EIF2AK3: variants seen among roughly 807,000 people sequenced by gnomAD.
EIF2AK3 encodes eukaryotic translation initiation factor 2 alpha kinase 3, also known as eukaryotic translation initiation factor 2-alpha kinase 3.
Under a neutral mutation model 113.5 loss-of-function variants are expected in EIF2AK3, and 50 were observed. The observed-to-expected ratio is 0.44, with a 90% CI of 0.35 to 0.56. EIF2AK3 has a LOEUF of 0.56. Among genes scored for constraint, EIF2AK3 ranks in the 20% least tolerant of loss-of-function variants. The probability of loss-of-function intolerance (pLI) is 0.00; values close to 1 mark genes in which losing one functional copy is unlikely to be tolerated. For missense variants in EIF2AK3, 1,185 were observed against 1,378.0 expected, an observed-to-expected ratio of 0.86 and a Z score of 2.22; for synonymous variants, 448 against 495.4, an observed-to-expected ratio of 0.90 and a Z score of 1.27.
intron 15 of EIF2AK3, among the ~76,000 whole-genome samples, chr2:88,561,240 C>T (rs933636382): frequency 1.3e-5 from 2 of 150,520 alleles, no homozygotes; most frequent in Non-Finnish European, 3.0e-5. Flanking sequence ...AGGTGTGAGC[C>T]ACCATGCCTG....
At chr2:88,598,383 T>C (rs564191903) in intron 2 of EIF2AK3, among the ~76,000 whole-genome samples, 1 of 152,252 alleles carries the variant, frequency 6.6e-6, no homozygotes, top group Admixed American at 6.5e-5. Flanking sequence ...ACAAAAGTTA[T>C]ATATTACATA....
chr2:88,609,062 A>G (rs1004799614), intron 2 of EIF2AK3, among the ~76,000 whole-genome samples: 3 of 150,966 alleles, frequency 2.0e-5, no homozygotes, highest in Non-Finnish European at 3.0e-5. Flanking sequence ...TGTTTTGTCC[A>G]ACTTTTTTTT....
chr2:88,600,043 A>G (rs1489252705), intron 2 of EIF2AK3, among the ~76,000 whole-genome samples: 1 of 152,244 alleles, frequency 6.6e-6, no homozygotes, highest in Non-Finnish European at 1.5e-5. Flanking sequence ...AGTGCAAAAC[A>G]CAAAACAACA....
In EIF2AK3 at chr2:88,613,581, G is replaced by A. The variant is rs1675502657; in HGVS notation, c.438+143C>T. ...AAGAGGGGAACTGAGGAATAGAAAAGTTAAGTAATTGCCCTAAAGGGACAC... is the reference window on the plus strand; with the variant it reads ...AAGAGGGGAACTGAGGAATAGAAAAATTAAGTAATTGCCCTAAAGGGACAC... On this transcript the variant is annotated intron_variant, in intron 2 of 16. Coordinates refer to ENST00000303236, the MANE Select transcript of EIF2AK3 (RefSeq NM_004836.7). 6 of 814,364 alleles carry A rather than the reference G, an allele frequency of 7.4e-6. No homozygotes were observed. In the East Asian group the frequency reaches 1.3e-4, roughly 18 times the overall value. The allele number at this position is 814,364 out of a possible 1,614,324, so 50.4% of individuals were successfully genotyped here.
chr2:88,570,262 C>T (rs1272959904), intron 14 of EIF2AK3, among the ~76,000 whole-genome samples: 3 of 152,126 alleles, frequency 2.0e-5, no homozygotes, highest in Non-Finnish European at 2.9e-5. Flanking sequence ...CCAAAACGTC[C>T]GAGACCCGCT....
chr2:88,604,408 A>G (rs143264192), intron 2 of EIF2AK3, among the ~76,000 whole-genome samples: 73 of 152,102 alleles, frequency 4.8e-4, no homozygotes, highest in African/African-American at 1.8e-3. Flanking sequence ...CCTCCTCTCT[A>G]TCCATCTCTT....
chr2:88,598,459 G>T (rs568463784), intron 2 of EIF2AK3, among the ~76,000 whole-genome samples: 1 of 152,270 alleles, frequency 6.6e-6, no homozygotes, highest in Non-Finnish European at 1.5e-5. Flanking sequence ...GATGCCCTGA[G>T]AGAGACTGCA....
chr2:88,584,858 C>T (rs1674679375), intron 9 of EIF2AK3, among the ~76,000 whole-genome samples: 1 of 152,102 alleles, frequency 6.6e-6, no homozygotes, highest in African/African-American at 2.4e-5. Context: ...GCAGCTCAGC[C>T]TAGTGGCTGA....
chr2:88,575,219 A>G lies in EIF2AK3; in HGVS notation c.2264T>C (p.Val755Ala), dbSNP rs1674424943. Residue 755 changes from valine (V) to alanine (A), a missense_variant, in exon 13 of 17, where the codon GTG (valine) becomes GCG (alanine). Physicochemically the swap from Val to Ala is moderately conservative, Grantham distance 64. Around this residue, in one of 3 missense-constraint regions of EIF2AK3, gnomAD observed 877 missense variants for 1,024.2 expected, o/e 0.86. Transcript: ENST00000303236. ...GTCCTGGAGGTTGTATGCTGCATCCACTGACTCACTGATGTCCTCATGGTC... is the reference window on the plus strand; with the variant it reads ...GTCCTGGAGGTTGTATGCTGCATCCGCTGACTCACTGATGTCCTCATGGTC... ...GMDHEDISES[V>A]DAAYNLQDSC... 2 of 1,612,720 alleles carry G rather than the reference A, an allele frequency of 1.2e-6. No individual in the cohort carries two copies. Among genetic ancestry groups the G allele is most frequent in the African/African-American group, 1.3e-5 (1 of 74,818 alleles).
intron 11 of EIF2AK3, among the ~76,000 whole-genome samples, chr2:88,579,195 T>C (rs1308567922): frequency 6.6e-6 from 1 of 152,238 alleles, no homozygotes; most frequent in Non-Finnish European, 1.5e-5. Context: ...GTTTTTGTTC[T>C]AGTACTTTTC....
intron 2 of EIF2AK3, among the ~76,000 whole-genome samples, chr2:88,611,248 C>T (rs924229526): frequency 2.6e-5 from 4 of 152,150 alleles, no homozygotes; most frequent in Non-Finnish European, 5.9e-5. Flanking sequence ...GGTCAGCAAC[C>T]TCAAGCAAAT....
chr2:88,570,241 A>G (rs563278210), intron 14 of EIF2AK3, among the ~76,000 whole-genome samples: 6 of 152,356 alleles, frequency 3.9e-5, no homozygotes, highest in African/African-American at 1.4e-4. Context: ...AAGTGTAAGT[A>G]TGTACTGAGC....
At chr2:88,610,271 C>A (rs1675399569) in intron 2 of EIF2AK3, among the ~76,000 whole-genome samples, 4 of 152,036 alleles carry the variant, frequency 2.6e-5, no homozygotes, top group Admixed American at 2.6e-4. Context: ...GGAAATATGC[C>A]AACATTTAAA....
Position 88,567,224 on chromosome 2 carries a change from T to A in EIF2AK3, c.2985+3650A>T, listed in dbSNP as rs572674386. ...CTTCCCTTTCTAACCTTTTTTTTTT[T>A]AAATTATAATCCAACCTGAAGTTTC... On this transcript the variant is annotated intron_variant, in intron 14 of 16. Coordinates refer to ENST00000303236, the MANE Select transcript of EIF2AK3 (RefSeq NM_004836.7). Among the ~76,000 whole-genome samples the A allele has an allele frequency of 1.1e-3, 172 of 151,942 alleles. 2 individuals are homozygous for A. The South Asian group carries it at 0.014, about 12-fold the overall frequency.
chr2:88,587,272 T>A lies in EIF2AK3; in HGVS notation c.1429+710A>T, dbSNP rs192119043. On this transcript the variant is annotated intron_variant, in intron 8 of 16. Coordinates refer to ENST00000303236, the MANE Select transcript of EIF2AK3 (RefSeq NM_004836.7). ...TTTCTAGTTCAGAGCCATTTTTTTT[T>A]AATCAATTTAATTTATATAATAACT... is the stretch of plus-strand genomic sequence containing the variant. Among the ~76,000 whole-genome samples the A allele has an allele frequency of 1.5e-4, 22 of 151,672 alleles. 1 individual carries two copies. The highest frequency in any genetic ancestry group is 6.8e-3 in the Middle Eastern group (2 of 294).
intron 11 of EIF2AK3, 86 bp downstream of exon 11, chr2:88,579,432 A>G (rs1243865383): frequency 1.9e-6 from 3 of 1,548,854 alleles, no homozygotes; most frequent in Non-Finnish European, 2.7e-6. Context: ...TATGGTGTTT[A>G]CAGAGTACAG....
rs1805190 is a variant in EIF2AK3, at chr2:88,627,211, CCAGCAGCAGCAG to C, written c.52_63del (p.Leu18_Leu21del). The C allele has an allele frequency of 4.2e-6, 6 of 1,429,748 alleles. No homozygotes were observed. Among genetic ancestry groups the C allele is most frequent in the South Asian group, 2.7e-5 (2 of 75,344 alleles). The allele number at this position is 1,429,748 out of a possible 1,614,324, so 88.6% of individuals were successfully genotyped here. A position where few individuals can be genotyped will look rare whatever the true frequency, so the allele number is the denominator to read the frequency against. Reference sequence around the variant, plus strand: ...GCGGCCACCGTCCTTGCCGCGAGCCCCAGCAGCAGCAGCAGCAGCAGCAGCGCCCGTACCAGC... The same window carrying C: ...GCGGCCACCGTCCTTGCCGCGAGCCCCAGCAGCAGCAGCGCCCGTACCAGC... On this transcript the variant is annotated inframe_deletion, in exon 1 of 17. Coordinates refer to ENST00000303236, the MANE Select transcript of EIF2AK3 (RefSeq NM_004836.7).
chr2:88,581,801 A>C (rs1177229783), intron 10 of EIF2AK3, among the ~76,000 whole-genome samples: 1 of 152,196 alleles, frequency 6.6e-6, no homozygotes, highest in Non-Finnish European at 1.5e-5. Context: ...TTTGTTTATG[A>C]AATTGACTGT....
rs1228129248 is a variant in EIF2AK3 at position 88,586,541 on chromosome 2, T to C, written c.1430-480A>G. 2.6e-5 allele frequency among the ~76,000 whole-genome samples: 4 copies of C among 152,104 alleles called. No homozygotes were observed. The East Asian group carries it at 7.7e-4, about 29-fold the overall frequency. On this transcript the variant is annotated intron_variant, in intron 8 of 16. Transcript: ENST00000303236. ...TCCCAGAAAAATAGCTTGTCTTTTTTTGTCTTCTATTTTGTACTACGTGGT... is the reference window on the plus strand; with the variant it reads ...TCCCAGAAAAATAGCTTGTCTTTTTCTGTCTTCTATTTTGTACTACGTGGT...
Sources: allele counts gnomAD v4.1 joint callset (sites outside exome capture counted in the v4.1 genomes callset), GRCh38; gene constraint gnomAD v4.1.1; regional missense constraint gnomAD v4.1.1; transcripts MANE v1.5; gene names NCBI Gene and HGNC (gene_info 2026-07-23, HGNC 2026-07-21).